Variants in MAP7 observed in about 807,000 individuals in gnomAD.
MAP7 encodes microtubule associated protein 7.
A neutral mutation model predicts 94.8 loss-of-function variants in MAP7; 52 were observed. The observed-to-expected ratio is 0.55, with a 90% CI of 0.44 to 0.69. The LOEUF (loss-of-function observed/expected upper bound fraction) is 0.69. Among genes scored for constraint, MAP7 ranks in the 30% least tolerant of loss-of-function variants. The pLI, the probability that MAP7 is intolerant of heterozygous loss-of-function variation, is 0.00. For synonymous variants in MAP7, 350 were observed against 357.0 expected, an observed-to-expected ratio of 0.98 and a Z score of 0.22; for missense variants, 940 against 964.6, an observed-to-expected ratio of 0.97 and a Z score of 0.34.
intron 10 of MAP7, among the ~76,000 whole-genome samples, chr6:136,363,115 A>G (rs1257992917): frequency 6.6e-6 from 1 of 152,236 alleles, no homozygotes; most frequent in Non-Finnish European, 1.5e-5. Context: ...CAGCATCCTC[A>G]GCATCCATGC....
intron 1 of MAP7, among the ~76,000 whole-genome samples, chr6:136,454,717 C>A (rs1308763629): frequency 1.3e-5 from 2 of 152,078 alleles, no homozygotes; most frequent in African/African-American, 2.4e-5. Flanking sequence ...TCAGCCTGGG[C>A]AACACGGCAA....
At chr6:136,407,379 T>C (rs1228368917) in intron 3 of MAP7, among the ~76,000 whole-genome samples, 1 of 152,152 alleles carries the variant, frequency 6.6e-6, no homozygotes, top group Non-Finnish European at 1.5e-5. Context: ...ATGCAAGATA[T>C]AGTATATAGT....
At chr6:136,491,801 GC>G (rs1816698250) in intron 1 of MAP7, among the ~76,000 whole-genome samples, 1 of 152,120 alleles carries the variant, frequency 6.6e-6, no homozygotes, top group Non-Finnish European at 1.5e-5. Flanking sequence ...TGATTGGCTG[GC>G]TCTCTTTGGT....
chr6:136,446,598 G>A (rs1017665014), intron 1 of MAP7, among the ~76,000 whole-genome samples: 2 of 152,172 alleles, frequency 1.3e-5, no homozygotes, highest in African/African-American at 4.8e-5. Flanking sequence ...CTCTAATCCT[G>A]CCTTAGTCTT....
chr6:136,398,807 C>T (rs1189747173), intron 3 of MAP7, among the ~76,000 whole-genome samples: 1 of 152,160 alleles, frequency 6.6e-6, no homozygotes, highest in Non-Finnish European at 1.5e-5. Flanking sequence ...CTAATACACA[C>T]AGCATGCAGC....
At chr6:136,354,378 A>AATATATATAGTAGATAT (rs1449024929) in intron 16 of MAP7, among the ~76,000 whole-genome samples, 4 of 144,020 alleles carry the variant, frequency 2.8e-5, no homozygotes, top group African/African-American at 5.1e-5. Context: ...TATATATAAA[A>AATATATATAGTAGATAT]ATATATATAG....
intron 1 of MAP7, among the ~76,000 whole-genome samples, chr6:136,448,415 A>ATT (rs755365926): frequency 1.4e-5 from 2 of 141,378 alleles, no homozygotes; most frequent in African/African-American, 2.6e-5. Flanking sequence ...AATGACTACG[A>ATT]TTTTTTTTTT....
At chr6:136,539,652 C>G (rs954378407) in intron 1 of MAP7, among the ~76,000 whole-genome samples, 4 of 152,164 alleles carry the variant, frequency 2.6e-5, no homozygotes, top group Admixed American at 6.5e-5. Context: ...GATGGCACCA[C>G]AAAACCTCAG....
chr6:136,367,353 G>A (rs2128589240), intron 8 of MAP7, among the ~76,000 whole-genome samples: 1 of 152,330 alleles, frequency 6.6e-6, no homozygotes, highest in East Asian at 1.9e-4. Context: ...CACCTGTCAG[G>A]AGGGCAGACT....
At chr6:136,416,667 A>T (rs1384282035) in intron 2 of MAP7, among the ~76,000 whole-genome samples, 1 of 152,108 alleles carries the variant, frequency 6.6e-6, no homozygotes, top group Non-Finnish European at 1.5e-5. Context: ...TTAGCCAGGC[A>T]CAGTGGTGCA....
In MAP7 at chr6:136,388,442, A is replaced by G. The variant is rs143823974; in HGVS notation, c.477T>C (p.Arg159=). ...RSQKPKQKHN[R]WSWGGSLHGS... ...CATGGAGAGAGCCTCCCCACGACCA[A>G]CGGTTATGCTTCTGTTTTGGCTTCT... The change falls in exon 5 of 18, where the codon CGT becomes CGC. Residue 159 remains arginine (R), a synonymous_variant. Transcript: ENST00000354570. 9.9e-6 allele frequency: 16 copies of G among 1,614,078 alleles called. No homozygotes were observed. In the African/African-American group the frequency reaches 1.3e-4, roughly 13 times the overall value.
At chr6:136,425,874 C>T (rs1156857848) in intron 1 of MAP7, among the ~76,000 whole-genome samples, 1 of 152,178 alleles carries the variant, frequency 6.6e-6, no homozygotes, top group African/African-American at 2.4e-5. Flanking sequence ...CCTCAGTTTT[C>T]TTCCTACTTG....
chr6:136,389,156 T>C (rs1206194081), intron 4 of MAP7, among the ~76,000 whole-genome samples, 198 bp downstream of exon 4: 3 of 152,184 alleles, frequency 2.0e-5, no homozygotes, highest in South Asian at 2.1e-4. Flanking sequence ...TTTTAAACTT[T>C]CTGTGGCAAT....
intron 1 of MAP7, among the ~76,000 whole-genome samples, chr6:136,428,365 A>T (rs929687080): frequency 6.6e-6 from 1 of 152,066 alleles, no homozygotes; most frequent in Non-Finnish European, 1.5e-5. Flanking sequence ...AGCATACAAA[A>T]ATTAGCCAGG....
rs554748865 is a variant in MAP7 at position 136,454,783 on chromosome 6, C to G, written c.68-32984G>C. 7.9e-5 allele frequency among the ~76,000 whole-genome samples: 12 copies of G among 152,180 alleles called. No individual in the cohort carries two copies. In the South Asian group the frequency reaches 1.2e-3, roughly 16 times the overall value. On this transcript the variant is annotated intron_variant, in intron 1 of 17. Coordinates refer to ENST00000354570, the MANE Select transcript of MAP7 (RefSeq NM_003980.6). ...GTGAGGTGACCCTCACCTGTACTCA[C>G]AGCTACTTGGGAGGCTGATATGGGA...
intron 1 of MAP7, among the ~76,000 whole-genome samples, chr6:136,445,265 G>A (rs991977461): frequency 2.0e-5 from 3 of 152,090 alleles, no homozygotes; most frequent in Admixed American, 6.6e-5. Flanking sequence ...CTTATCACCA[G>A]AGATTGGAAA....
At chr6:136,470,053 C>A (rs1808449514) in intron 1 of MAP7, among the ~76,000 whole-genome samples, 2 of 152,100 alleles carry the variant, frequency 1.3e-5, no homozygotes, top group African/African-American at 4.8e-5. Flanking sequence ...TTCCTCCATT[C>A]TTGTCTATGC....
chr6:136,519,664 C>T (rs1373130158), intron 1 of MAP7, among the ~76,000 whole-genome samples: 1 of 152,170 alleles, frequency 6.6e-6, no homozygotes, highest in Non-Finnish European at 1.5e-5. Context: ...AGAGAAGTCA[C>T]TGCAGGCTCC....
At chr6:136,465,212 C>A (rs1042628603) in intron 1 of MAP7, among the ~76,000 whole-genome samples, 2 of 152,102 alleles carry the variant, frequency 1.3e-5, no homozygotes, top group Non-Finnish European at 2.9e-5. Flanking sequence ...AAAACTAGGA[C>A]CAAAATCAAG....
Sources: allele counts gnomAD v4.1 joint callset (sites outside exome capture counted in the v4.1 genomes callset), GRCh38; gene constraint gnomAD v4.1.1; transcripts MANE v1.5; gene names NCBI Gene and HGNC (gene_info 2026-07-23, HGNC 2026-07-21).